The following DDX19A variants were observed in gnomAD, a reference collection of about 807,000 sequenced individuals.
The protein encoded by DDX19A is ATP-dependent RNA helicase DDX19A.
A neutral mutation model predicts 60.6 loss-of-function variants in DDX19A; 12 were observed. The ratio of observed to expected loss-of-function variants is 0.20; its 90% CI spans 0.13 to 0.32. The LOEUF (loss-of-function observed/expected upper bound fraction) is 0.32, where lower values mean the gene tolerates loss of function less well. Ranked by LOEUF, DDX19A falls within the 10% of genes least tolerant of loss-of-function variation. DDX19A has a pLI of 1.00. For missense variants in DDX19A, 337 were observed against 600.6 expected (o/e 0.56, Z 4.59); for synonymous variants, 206 against 218.2 (o/e 0.94, Z 0.49).
chr16:70,366,557 G>T (rs1964525868), intron 8 of DDX19A, 67 bp from the exon 9 acceptor site: 2 of 1,594,214 alleles, frequency 1.3e-6, no homozygotes, highest in Admixed American at 3.4e-5. Flanking sequence ...CCTCCCAGCT[G>T]GGGAGGCTGT....
chr16:70,362,776 C>T (rs1422632142), intron 5 of DDX19A, among the ~76,000 whole-genome samples: 1 of 152,024 alleles, frequency 6.6e-6, no homozygotes, highest in African/African-American at 2.4e-5. Flanking sequence ...GTTTGAGAAG[C>T]TGAGGCAGGT....
At chr16:70,351,043 T>G (rs1050239923) in intron 2 of DDX19A, among the ~76,000 whole-genome samples, 52 of 137,888 alleles carry the variant, frequency 3.8e-4, no homozygotes, top group Admixed American at 2.9e-3. Flanking sequence ...CACGCGCTAG[T>G]TTTTTTTTTT....
intron 5 of DDX19A, chr16:70,361,779 G>A (rs1964369960): frequency 3.1e-6 from 1 of 318,678 alleles, no homozygotes; most frequent in South Asian, 3.8e-5. Context: ...GCTCACTCCT[G>A]TAATCCTAGC....
At chr16:70,361,313 A>G (rs2151638205) in intron 4 of DDX19A, 105 bp from the exon 5 acceptor site, 2 of 870,924 alleles carry the variant, frequency 2.3e-6, no homozygotes, top group East Asian at 4.9e-5. Context: ...TACGTCTGAC[A>G]GAGGTAGGAG....
At chr16:70,347,397 T>C in intron 1 of DDX19A, 1 of 289,508 alleles carries the variant, frequency 3.5e-6, no homozygotes, top group South Asian at 4.8e-5. Context: ...TGTACTACTC[T>C]GTATTTAACA....
At chr16:70,369,814 T>C (rs1964629518) in intron 9 of DDX19A, among the ~76,000 whole-genome samples, 1 of 151,794 alleles carries the variant, frequency 6.6e-6, no homozygotes, top group Non-Finnish European at 1.5e-5. Context: ...TTTGGCCATG[T>C]TCCCCAGGCT....
chr16:70,354,991 G>A (rs1262364050), intron 2 of DDX19A, among the ~76,000 whole-genome samples: 6 of 150,528 alleles, frequency 4.0e-5, no homozygotes, highest in Non-Finnish European at 1.5e-5. Context: ...AACAGAGGGA[G>A]ACCCTGTCTC....
In DDX19A at chr16:70,362,702, G is replaced by A. The variant is rs1153024; in HGVS notation, c.386+1192G>A. Among the ~76,000 whole-genome samples, 32 of 151,960 alleles carry A rather than the reference G, an allele frequency of 2.1e-4. No homozygotes were observed. The East Asian group carries it at 5.4e-3, about 26-fold the overall frequency. On this transcript the variant is annotated intron_variant, in intron 5 of 11. Coordinates refer to ENST00000302243, the MANE Select transcript of DDX19A (RefSeq NM_018332.5). ...AATTAATCCTCTCACCTCAGCCTCC[G>A]GAGTAGCTGGGACTATAGGCATGTG...
rs751764652 is a variant in DDX19A at position 70,370,319 on chromosome 16, G to T, written c.1117G>T (p.Ala373Ser). Residue 373 changes from alanine to serine, a missense_variant, in exon 10 of 12, where the codon GCG (alanine) becomes TCG (serine). Ala to Ser is a moderately conservative substitution (Grantham distance 99). Around this residue, in one of 6 missense-constraint regions of DDX19A, gnomAD observed 117 missense variants for 274.3 expected, o/e 0.43. Coordinates refer to ENST00000302243, the MANE Select transcript of DDX19A (RefSeq NM_018332.5). ...SGEMMVEQRA[A>S]VIERFREGKE... is the part of the protein sequence containing the mutation. Reference sequence around the variant, plus strand: ...GGAGATGATGGTGGAGCAGAGGGCTGCGGTGATTGAGCGCTTCCGAGAGGG... The same window carrying T: ...GGAGATGATGGTGGAGCAGAGGGCTTCGGTGATTGAGCGCTTCCGAGAGGG... 1.2e-6 allele frequency: 2 copies of T among 1,614,136 alleles called. No individual in the cohort carries two copies. Among genetic ancestry groups the T allele is most frequent in the Non-Finnish European group, 1.7e-6 (2 of 1,180,008 alleles).
chr16:70,358,941 C>G (rs1401268864), intron 4 of DDX19A, among the ~76,000 whole-genome samples: 1 of 152,180 alleles, frequency 6.6e-6, no homozygotes, highest in Admixed American at 6.6e-5. Flanking sequence ...TAAGCTGTAT[C>G]AGGACAGCTA....
intron 4 of DDX19A, 31 bp from the exon 5 acceptor site, chr16:70,361,387 G>C: frequency 6.7e-7 from 1 of 1,495,146 alleles, no homozygotes; most frequent in Non-Finnish European, 9.3e-7. Flanking sequence ...TAACTTCTAG[G>C]CATCCATCCT....
At chr16:70,360,317 CTTTCT>C (rs1256601010) in intron 4 of DDX19A, among the ~76,000 whole-genome samples, 1 of 136,606 alleles carries the variant, frequency 7.3e-6, no homozygotes, top group African/African-American at 3.1e-5. Context: ...TTCTTTCTTT[CTTTCT>C]TTTTTTTTTT....
At chr16:70,347,364 C>G in intron 1 of DDX19A, 1 of 415,432 alleles carries the variant, frequency 2.4e-6, no homozygotes, top group Non-Finnish European at 4.4e-6. Context: ...TTTTTCATTA[C>G]GCGACTGTTC....
chr16:70,372,106 C>T lies in DDX19A; in HGVS notation c.*120C>T. The T allele has an allele frequency of 1.4e-6, 2 of 1,457,904 alleles. No homozygotes were observed. Among genetic ancestry groups the T allele is most frequent in the Admixed American group, 3.7e-5 (2 of 54,532 alleles). The allele number at this position is 1,457,904 out of a possible 1,614,324, so 90.3% of individuals were successfully genotyped here. A position where few individuals can be genotyped will look rare whatever the true frequency, so the allele number is the denominator to read the frequency against. On this transcript the variant is annotated 3_prime_UTR_variant, in exon 12 of 12. Transcript: ENST00000302243. ...AACGGCAGAAGTAGAGAGAAACTAC[C>T]TACCTCACTTCAAATTATGTTTGGA...
At chr16:70,360,321 CT>C (rs1555552998) in intron 4 of DDX19A, among the ~76,000 whole-genome samples, 133 of 133,480 alleles carry the variant, frequency 1.0e-3, no homozygotes, top group Middle Eastern at 7.6e-3. Flanking sequence ...TTCTTTCTTT[CT>C]TTTTTTTTTT....
rs763019372 is a variant in DDX19A, at chr16:70,346,979, C to G, written c.-13C>G. 1.4e-5 allele frequency: 23 copies of G among 1,611,150 alleles called. No individual in the cohort carries two copies. Among genetic ancestry groups the G allele is most frequent in the Non-Finnish European group, 2.0e-5 (23 of 1,179,280 alleles). ...CGCATATTTTCACAAGTGGGTCTCC[C>G]TTGTCCGGGACTATGGCCACCGACT... On this transcript the variant is annotated 5_prime_UTR_variant, in exon 1 of 12. Transcript: ENST00000302243.
At chr16:70,365,723 T>C in intron 7 of DDX19A, 1 of 329,650 alleles carries the variant, frequency 3.0e-6, no homozygotes, top group Non-Finnish European at 5.8e-6. Flanking sequence ...AAAGCTGCAG[T>C]GAGCCATGAC....
At chr16:70,353,125 C>CTTT (rs1232010909) in intron 2 of DDX19A, among the ~76,000 whole-genome samples, 51 of 139,520 alleles carry the variant, frequency 3.7e-4, no homozygotes, top group African/African-American at 1.6e-3. Flanking sequence ...TTTTTTCTTT[C>CTTT]TTTCTTTTTT....
At chr16:70,351,244 C>T (rs1292129152) in intron 2 of DDX19A, among the ~76,000 whole-genome samples, 2 of 151,636 alleles carry the variant, frequency 1.3e-5, no homozygotes, top group Non-Finnish European at 2.9e-5. Flanking sequence ...CTCACTCTGT[C>T]GTGCAGGCTA....
Sources: allele counts gnomAD v4.1 joint callset (sites outside exome capture counted in the v4.1 genomes callset), GRCh38; gene constraint gnomAD v4.1.1; regional missense constraint gnomAD v4.1.1; transcripts MANE v1.5; gene names NCBI Gene and HGNC (gene_info 2026-07-23, HGNC 2026-07-21).